SGCZ: variants seen among roughly 807,000 people sequenced by gnomAD.
The protein encoded by SGCZ is zeta-sarcoglycan.
SGCZ carries 40 observed loss-of-function variants against 41.3 expected under a neutral mutation model. The observed-to-expected ratio is 0.97, with a 90% CI of 0.75 to 1.26. The LOEUF is 1.26. SGCZ is among the 50% of genes most tolerant of loss of function. SGCZ has a pLI of 0.00. For missense variants in SGCZ, 552 were observed against 369.8 expected, an observed-to-expected ratio of 1.49 and a Z score of -4.04; for synonymous variants, 206 against 137.5, an observed-to-expected ratio of 1.50 and a Z score of -3.49.
At chr8:14,543,949 C>T (rs1385228747) in intron 2 of SGCZ, among the ~76,000 whole-genome samples, 1 of 152,064 alleles carries the variant, frequency 6.6e-6, no homozygotes, top group Non-Finnish European at 1.5e-5. Flanking sequence ...TATGGCCCAT[C>T]ACCAGTGTTT....
At chr8:14,168,972 C>T (rs868861005) in intron 4 of SGCZ, among the ~76,000 whole-genome samples, 19 of 152,140 alleles carry the variant, frequency 1.2e-4, no homozygotes, top group South Asian at 2.1e-4. Flanking sequence ...CCTATTTGAC[C>T]GATGAGGAAA....
In SGCZ at chr8:14,164,654, C is replaced by G; in HGVS notation, c.473G>C (p.Ser158Thr). The change falls in exon 5 of 8, where the codon AGT (serine) becomes ACT (threonine). Residue 158 changes from serine to threonine, a missense_variant. Coordinates refer to ENST00000382080, the MANE Select transcript of SGCZ (RefSeq NM_139167.4). ...AGAAAACAGCACCCTGCCATCTTCACTGGCTCTCACTTCAAATCTTTTACA... is the reference window on the plus strand; with the variant it reads ...AGAAAACAGCACCCTGCCATCTTCAGTGGCTCTCACTTCAAATCTTTTACA... ...AQCKRFEVRA[S>T]EDGRVLFSAD... is the part of the protein sequence containing the mutation. The G allele has an allele frequency of 6.2e-7, 1 of 1,613,646 alleles. No individual in the cohort carries two copies. The highest frequency in any genetic ancestry group is 8.5e-7 in the Non-Finnish European group (1 of 1,179,700).
chr8:14,493,359 C>CTTTTTTT lies in SGCZ; in HGVS notation c.234+61366_234+61372dup, dbSNP rs57898016. Among the ~76,000 whole-genome samples the CTTTTTTT allele has an allele frequency of 3.2e-3, 140 of 44,270 alleles. 25 individuals are homozygous for CTTTTTTT. The highest frequency in any genetic ancestry group is 0.012 in the East Asian group (13 of 1,046). The allele number at this position is 44,270 out of a possible 152,430, so 29.0% of individuals were successfully genotyped here. On this transcript the variant is annotated intron_variant, in intron 2 of 7. Transcript: ENST00000382080. Reference sequence around the variant, plus strand: ...CATACTTTTCCCACTATCATCCTTTCTTTTTTTTTTTTTTTTTTTTTTTTT... The same window carrying CTTTTTTT: ...CATACTTTTCCCACTATCATCCTTTCTTTTTTTTTTTTTTTTTTTTTTTTTTTTTTTT...
chr8:15,101,804 C>T (rs1271327246), intron 1 of SGCZ, among the ~76,000 whole-genome samples: 1 of 152,174 alleles, frequency 6.6e-6, no homozygotes, highest in Non-Finnish European at 1.5e-5. Context: ...GTCGTGCACA[C>T]CTGCAGTCCC....
At chr8:14,644,179 C>T (rs1243417409) in intron 1 of SGCZ, among the ~76,000 whole-genome samples, 1 of 151,688 alleles carries the variant, frequency 6.6e-6, no homozygotes, top group Non-Finnish European at 1.5e-5. Context: ...GTCAAGCACC[C>T]ATCTAGATAT....
intron 1 of SGCZ, among the ~76,000 whole-genome samples, chr8:14,847,126 A>AAAGAAGAAGAAGAAGAAGAAGAAGAAG (rs61002020): frequency 7.9e-6 from 1 of 126,448 alleles, no homozygotes; most frequent in Non-Finnish European, 1.6e-5. Flanking sequence ...GAAGAAGAAG[A>AAAGAAGAAGAAGAAGAAGAAGAAGAAG]AAGAAGAAGA....
At chr8:14,321,341 C>T (rs935251859) in intron 3 of SGCZ, among the ~76,000 whole-genome samples, 1 of 151,970 alleles carries the variant, frequency 6.6e-6, no homozygotes, top group Non-Finnish European at 1.5e-5. Flanking sequence ...GTGTGAATTG[C>T]TGAGGCTAAT....
In SGCZ at chr8:14,242,902, C is replaced by A. The variant is rs569496783; in HGVS notation, c.337-5223G>T. ...AAATAGGAAATTGAATTCAACAAAA[C>A]ATACTTTAAAATTTCTTTAAGCATT... On this transcript the variant is annotated intron_variant, in intron 3 of 7. Coordinates refer to ENST00000382080, the MANE Select transcript of SGCZ (RefSeq NM_139167.4). 1.6e-3 allele frequency among the ~76,000 whole-genome samples: 239 copies of A among 152,238 alleles called. 1 individual carries two copies. Among genetic ancestry groups the A allele is most frequent in the Non-Finnish European group, 1.9e-3 (130 of 67,992 alleles).
At chr8:14,272,010 A>T (rs1800081605) in intron 3 of SGCZ, among the ~76,000 whole-genome samples, 1 of 151,958 alleles carries the variant, frequency 6.6e-6, no homozygotes, top group Non-Finnish European at 1.5e-5. Flanking sequence ...TGCCCTAAGT[A>T]ATTTTATTTT....
At chr8:14,982,720 A>G (rs1801708767) in intron 1 of SGCZ, among the ~76,000 whole-genome samples, 1 of 152,212 alleles carries the variant, frequency 6.6e-6, no homozygotes, top group Non-Finnish European at 1.5e-5. Flanking sequence ...CCATTGCTAT[A>G]GAGAAAACTA....
intron 2 of SGCZ, among the ~76,000 whole-genome samples, chr8:14,388,463 G>A (rs1222530723): frequency 3.3e-5 from 5 of 152,066 alleles, no homozygotes; most frequent in Non-Finnish European, 5.9e-5. Flanking sequence ...AATGGTGAGA[G>A]ATTATACCAT....
At chr8:14,821,289 C>T (rs7008090) in intron 1 of SGCZ, among the ~76,000 whole-genome samples, 180 of 151,674 alleles carry the variant, frequency 1.2e-3, no homozygotes, top group African/African-American at 4.2e-3. Flanking sequence ...AAAAACTGAA[C>T]AGAACAATAA....
At chr8:15,095,417 G>C (rs886471932) in intron 1 of SGCZ, among the ~76,000 whole-genome samples, 1 of 151,994 alleles carries the variant, frequency 6.6e-6, no homozygotes, top group African/African-American at 2.4e-5. Context: ...ATTTTAACTG[G>C]ATAACATTTC....
At chr8:14,844,188 C>T (rs951907595) in intron 1 of SGCZ, among the ~76,000 whole-genome samples, 3 of 152,086 alleles carry the variant, frequency 2.0e-5, no homozygotes, top group Non-Finnish European at 2.9e-5. Context: ...AACCTACACA[C>T]ATTCCCCCAT....
chr8:14,520,498 A>G (rs1802756539), intron 2 of SGCZ, among the ~76,000 whole-genome samples: 3 of 152,164 alleles, frequency 2.0e-5, no homozygotes, highest in African/African-American at 7.2e-5. Context: ...TAGGACCCCA[A>G]ATATATTTTA....
At chr8:14,625,565 A>T (rs1426156487) in intron 1 of SGCZ, among the ~76,000 whole-genome samples, 1 of 152,136 alleles carries the variant, frequency 6.6e-6, no homozygotes, top group Non-Finnish European at 1.5e-5. Context: ...ACATTATTTC[A>T]AAAGTAGTGT....
chr8:14,121,115 G>A (rs1011227899), intron 5 of SGCZ, among the ~76,000 whole-genome samples: 1 of 152,062 alleles, frequency 6.6e-6, no homozygotes, highest in East Asian at 1.9e-4. Flanking sequence ...CAGAAACAGA[G>A]CAATAGATAT....
chr8:14,117,137 C>A (rs1802547755), intron 5 of SGCZ, among the ~76,000 whole-genome samples: 1 of 151,934 alleles, frequency 6.6e-6, no homozygotes, highest in South Asian at 2.1e-4. Context: ...AAAGATGTAT[C>A]TTTAAAGGTG....
intron 1 of SGCZ, among the ~76,000 whole-genome samples, chr8:15,168,809 G>T (rs75132252): frequency 0.012 from 1,768 of 152,234 alleles, 31 homozygotes; most frequent in East Asian, 0.08. Context: ...CCTCCCCTCA[G>T]ATGCATCCTC....
Sources: gnomAD v4.1 joint callset for allele counts (sites outside exome capture counted in the v4.1 genomes callset) on GRCh38, gnomAD v4.1.1 for gene constraint, MANE v1.5 for transcripts, NCBI Gene and HGNC (gene_info 2026-07-23, HGNC 2026-07-21) for gene names.